Variants in PMS2 observed in about 807,000 individuals in gnomAD.
PMS2 encodes the protein mismatch repair endonuclease PMS2.
In PMS2, 69 loss-of-function variants were observed where a neutral mutation model predicts 90.0. That is an observed-to-expected ratio of 0.77 (90% CI 0.63 to 0.94). The LOEUF is 0.94. Ranked by LOEUF, PMS2 falls within the 40% of genes least tolerant of loss-of-function variation. The pLI is 0.00. For missense variants in PMS2, 966 were observed against 1,040.2 expected, an observed-to-expected ratio of 0.93 and a Z score of 0.98; for synonymous variants, 332 against 375.1, an observed-to-expected ratio of 0.89 and a Z score of 1.33.
chr7:5,990,088 A>G, intron 9 of PMS2, 133 bp from the exon 10 acceptor site: 1 of 514,408 alleles, frequency 1.9e-6, no homozygotes, highest in Admixed American at 3.1e-5. Flanking sequence ...GCTCACTGCA[A>G]CCTCCGCCTC....
intron 6 of PMS2, 73 bp from the exon 7 acceptor site, chr7:5,997,496 T>C: frequency 1.1e-6 from 1 of 885,508 alleles, no homozygotes; most frequent in East Asian, 2.5e-5. Context: ...TTTTCTTTCT[T>C]AGTCAAGCTA....
Position 6,008,996 on chromosome 7 carries a change from C to A in PMS2, c.23+1G>T, listed in dbSNP as rs587782074. The A allele has an allele frequency of 1.2e-6, 2 of 1,612,548 alleles. No homozygotes were observed. Among genetic ancestry groups the A allele is most frequent in the African/African-American group, 1.3e-5 (1 of 74,902 alleles). ...ACCGGAAGACTGCGAGCCCCGCTCACCTCGAGCTCTCAGCTCGCTCCATGG... is the reference window on the plus strand; with the variant it reads ...ACCGGAAGACTGCGAGCCCCGCTCAACTCGAGCTCTCAGCTCGCTCCATGG... On this transcript the variant is annotated splice_donor_variant, in intron 1 of 14. Transcript: ENST00000265849. LOFTEE classifies it high-confidence loss of function.
intron 8 of PMS2, among the ~76,000 whole-genome samples, chr7:5,993,191 T>C (rs1387646239): frequency 6.6e-6 from 1 of 151,250 alleles, no homozygotes; most frequent in Non-Finnish European, 1.5e-5. Context: ...GGCAACACAG[T>C]GAAACCCCAT....
At position 5,992,071 on chromosome 7, in the gene PMS2, AAGG is replaced by A. The variant is rs749482906; in HGVS notation, c.904-17_904-15del. ...GAGTCTGCAGACCTGCACAAAATAC[AAGG>A]AGTAGAAAAGAATAAATGACAAATG... On this transcript the variant is annotated splice_polypyrimidine_tract_variant and intron_variant, in intron 8 of 14. Transcript: ENST00000265849. 5.1e-6 allele frequency: 7 copies of A among 1,385,718 alleles called. No individual in the cohort carries two copies. Among genetic ancestry groups the A allele is most frequent in the Non-Finnish European group, 7.2e-6 (7 of 972,030 alleles). The allele number at this position is 1,385,718 out of a possible 1,614,324, so 85.8% of individuals were successfully genotyped here. A position where few individuals can be genotyped will look rare whatever the true frequency, so the allele number is the denominator to read the frequency against.
intron 10 of PMS2, among the ~76,000 whole-genome samples, chr7:5,989,599 T>G (rs1348278963): frequency 6.6e-6 from 1 of 151,640 alleles, no homozygotes; most frequent in Non-Finnish European, 1.5e-5. Flanking sequence ...CCCAGGAGTG[T>G]GATGCTGCAG....
In PMS2 at chr7:5,999,260, C is replaced by T. The variant is rs1583387731; in HGVS notation, c.553G>A (p.Val185Ile). ...ATACAGTATGCATGTAAGACCTGGACCATTTTGGCATACTCCTGTTTAAAA... is the reference window on the plus strand; with the variant it reads ...ATACAGTATGCATGTAAGACCTGGATCATTTTGGCATACTCCTGTTTAAAA... ...RNIKKEYAKM[V>I]QVLHAYCIIS... The change falls in exon 6 of 15, where the codon GTC (valine) becomes ATC (isoleucine). Residue 185 changes from valine (V) to isoleucine (I), a missense_variant. Transcript: ENST00000265849. The T allele has an allele frequency of 7.4e-6, 12 of 1,613,876 alleles. No homozygotes were observed. The highest frequency in any genetic ancestry group is 1.0e-5 in the Non-Finnish European group (12 of 1,179,866).
intron 7 of PMS2, among the ~76,000 whole-genome samples, chr7:5,996,061 G>A (rs1384084467): frequency 1.3e-5 from 2 of 152,098 alleles, no homozygotes. Context: ...TCCCGGGTAG[G>A]ACGCTTATAT....
In PMS2 at chr7:5,987,259, A is replaced by T. The variant is rs63750354; in HGVS notation, c.1506T>A (p.Asp502Glu). 1 of 1,614,068 alleles carries T rather than the reference A, an allele frequency of 6.2e-7. No homozygotes were observed. Among genetic ancestry groups the T allele is most frequent in the Admixed American group, 1.7e-5 (1 of 59,986 alleles). Residue 502 changes from aspartate to glutamate, a missense_variant, in exon 11 of 15, where the codon GAT (aspartate) becomes GAA (glutamate). Physicochemically the swap from Asp to Glu is conservative, Grantham distance 45. Transcript: ENST00000265849. ...TGTCTGGGATGCTGAACCCCTCAGA[A>T]TCCACGGAAGTGCTGCCGTGCCCCG... Reference protein sequence around the residue: ...KDSGHGSTSVDSEGFSIPDTG... With the variant: ...KDSGHGSTSVESEGFSIPDTG...
intron 5 of PMS2, among the ~76,000 whole-genome samples, chr7:6,001,450 A>G (rs924396873): frequency 6.7e-6 from 1 of 148,196 alleles, no homozygotes; most frequent in Non-Finnish European, 1.5e-5. Context: ...GGCTCACCGC[A>G]ACCTCTGCCT....
At chr7:6,005,390 A>C (rs192670711) in intron 2 of PMS2, among the ~76,000 whole-genome samples, 1 of 152,166 alleles carries the variant, frequency 6.6e-6, no homozygotes, top group East Asian at 1.9e-4. Context: ...TTTTTAGTAG[A>C]GACAGAGTTT....
At chr7:5,999,847 C>T (rs1212464373) in intron 5 of PMS2, among the ~76,000 whole-genome samples, 3 of 152,128 alleles carry the variant, frequency 2.0e-5, no homozygotes, top group Admixed American at 2.0e-4. Context: ...ATTTTATAAT[C>T]TCTCCTTTTG....
intron 2 of PMS2, among the ~76,000 whole-genome samples, chr7:6,005,153 C>T (rs944848124): frequency 6.6e-6 from 1 of 151,840 alleles, no homozygotes; most frequent in Admixed American, 6.6e-5. Flanking sequence ...GATCAGCCCC[C>T]CTCAGCCTCC....
Position 5,982,845 on chromosome 7 carries a change from A to G in PMS2, c.2153T>C (p.Leu718Pro), listed in dbSNP as rs755117943. ...NFEMLQQHTV[L>P]QGQRLIAPQT... Reference sequence around the variant, plus strand: ...TCACGCTATGAGCCTCTGCCCCTGGAGCACGGTGTGCTGCTGCAGCATCTC... The same window carrying G: ...TCACGCTATGAGCCTCTGCCCCTGGGGCACGGTGTGCTGCTGCAGCATCTC... The change falls in exon 12 of 15, where the codon CTC (leucine) becomes CCC (proline). Residue 718 changes from leucine to proline, a missense_variant. This residue lies in a region of PMS2 where 95 missense variants were observed against 237.8 expected (regional missense o/e 0.40). Transcript: ENST00000265849. 2.5e-6 allele frequency: 4 copies of G among 1,609,234 alleles called. No individual in the cohort carries two copies. The highest frequency in any genetic ancestry group is 1.1e-5 in the South Asian group (1 of 90,704).
At chr7:6,007,317 T>C (rs1273726160) in intron 1 of PMS2, among the ~76,000 whole-genome samples, 1 of 152,042 alleles carries the variant, frequency 6.6e-6, no homozygotes, top group Non-Finnish European at 1.5e-5. Flanking sequence ...GGTTTCACCA[T>C]GTTGGCCAGG....
intron 6 of PMS2, 117 bp downstream of exon 6, chr7:5,998,991 A>C: frequency 6.7e-6 from 1 of 149,980 alleles, no homozygotes. Context: ...CTCCCTCTCA[A>C]AAAAAAAAAA....
intron 7 of PMS2, among the ~76,000 whole-genome samples, chr7:5,996,296 G>A (rs1459863700): frequency 6.6e-6 from 1 of 151,472 alleles, no homozygotes; most frequent in Non-Finnish European, 1.5e-5. Context: ...GCTCATGCCT[G>A]TAATTCCAGA....
chr7:5,992,156 G>A, intron 8 of PMS2, 99 bp from the exon 9 acceptor site: 1 of 695,470 alleles, frequency 1.4e-6, no homozygotes, highest in Non-Finnish European at 2.6e-6. Flanking sequence ...CATGTTCTTA[G>A]AAGGGGATAC....
intron 11 of PMS2, among the ~76,000 whole-genome samples, chr7:5,985,647 G>A (rs187898320): frequency 0.15 from 18,712 of 126,050 alleles, 488 homozygotes; most frequent in East Asian, 0.45. Flanking sequence ...TCCACCTCCC[G>A]GGTTCAAGCA....
In PMS2 at chr7:5,987,258, A is replaced by C. The variant is rs864622497; in HGVS notation, c.1507T>G (p.Ser503Ala). The change falls in exon 11 of 15, where the codon TCT becomes GCT. Residue 503 changes from serine to alanine, a missense_variant. Ser to Ala is a moderately conservative substitution (Grantham distance 99). Transcript: ENST00000265849. Reference sequence around the variant, plus strand: ...GTGTCTGGGATGCTGAACCCCTCAGAATCCACGGAAGTGCTGCCGTGCCCC... The same window carrying C: ...GTGTCTGGGATGCTGAACCCCTCAGCATCCACGGAAGTGCTGCCGTGCCCC... ...DSGHGSTSVD[S>A]EGFSIPDTGS... The C allele has an allele frequency of 1.2e-6, 2 of 1,614,104 alleles. No individual in the cohort carries two copies. Among genetic ancestry groups the C allele is most frequent in the Non-Finnish European group, 1.7e-6 (2 of 1,180,024 alleles).
Sources: gnomAD v4.1 joint callset for allele counts (sites outside exome capture counted in the v4.1 genomes callset) on GRCh38, gnomAD v4.1.1 for gene constraint, gnomAD v4.1.1 regional missense constraint, MANE v1.5 for transcripts, NCBI Gene and HGNC (gene_info 2026-07-23, HGNC 2026-07-21) for gene names.